The following PTBP3 variants were observed in gnomAD, a reference collection of about 807,000 sequenced individuals.
PTBP3 encodes the protein polypyrimidine tract-binding protein 3.
In PTBP3, 20 loss-of-function variants were observed where a neutral mutation model predicts 58.7. That is an observed-to-expected ratio of 0.34 (90% CI 0.24 to 0.50). The LOEUF (loss-of-function observed/expected upper bound fraction) is 0.50. Ranked by LOEUF, PTBP3 falls within the 20% of genes least tolerant of loss-of-function variation. PTBP3 has a pLI of 0.98. For missense variants in PTBP3, 509 were observed against 637.2 expected (o/e 0.80, Z 2.17); for synonymous variants, 185 against 219.8 (o/e 0.84, Z 1.40).
At chr9:112,271,807 T>C (rs1209039880) in intron 3 of PTBP3, among the ~76,000 whole-genome samples, 1 of 152,092 alleles carries the variant, frequency 6.6e-6, no homozygotes, top group Non-Finnish European at 1.5e-5. Context: ...TTTTTAAAAA[T>C]AAGGGACAAA....
At chr9:112,250,853 T>G in intron 7 of PTBP3, 76 bp downstream of exon 7, 1 of 1,331,062 alleles carries the variant, frequency 7.5e-7, no homozygotes, top group Non-Finnish European at 9.9e-7. Flanking sequence ...AAAAGGCTTA[T>G]AAACATACAT....
chr9:112,375,630 G>A, the PTBP3 span, among the ~76,000 whole-genome samples: 10 of 152,218 alleles, frequency 6.6e-5, no homozygotes, highest in South Asian at 8.3e-4. Flanking sequence ...TGGCACGAGC[G>A]GAGACCATGA....
chr9:112,339,302 A>T, the PTBP3 span, among the ~76,000 whole-genome samples: 1 of 150,440 alleles, frequency 6.6e-6, no homozygotes, highest in Non-Finnish European at 1.5e-5. Context: ...AAAAAAAAAA[A>T]AAAAAAAAAA....
rs548089428 is a variant in PTBP3, at chr9:112,238,045, T to C, written c.803-3148A>G. Among the ~76,000 whole-genome samples the C allele has an allele frequency of 2.6e-5, 4 of 152,230 alleles. No homozygotes were observed. The East Asian group carries it at 5.8e-4, about 22-fold the overall frequency. ...TCTGGAGGAACAAACACCTTAATCC[T>C]GAGCCTCAAAGGACAATCATAATTA... On this transcript the variant is annotated intron_variant, in intron 7 of 13. Transcript: ENST00000374257.
intron 2 of PTBP3, among the ~76,000 whole-genome samples, chr9:112,293,134 G>A (rs1042122315): frequency 7.2e-5 from 11 of 151,974 alleles, no homozygotes; most frequent in African/African-American, 2.2e-4. Flanking sequence ...CAGGAAGGAC[G>A]ATATACTATA....
At chr9:112,277,882 GTAACATAACATAACATAACATAACA>G (rs57476799) in intron 2 of PTBP3, among the ~76,000 whole-genome samples, 78 of 130,218 alleles carry the variant, frequency 6.0e-4, no homozygotes, top group Middle Eastern at 3.8e-3. Flanking sequence ...TCAAAATAAC[GTAACATAACATAACATAACATAACA>G]TAACATAACA....
chr9:112,228,581 C>T, intron 10 of PTBP3, 109 bp from the exon 11 acceptor site: 1 of 655,186 alleles, frequency 1.5e-6, no homozygotes, highest in Non-Finnish European at 2.4e-6. Context: ...TTGGCAATTC[C>T]ATACATACAC....
At chr9:112,280,066 T>C in intron 2 of PTBP3, among the ~76,000 whole-genome samples, 1 of 152,284 alleles carries the variant, frequency 6.6e-6, no homozygotes, top group South Asian at 2.1e-4. Context: ...CATTTATTTA[T>C]TTATTTATTT....
At chr9:112,332,252 A>T (rs1830404985) in intron 1 of PTBP3, among the ~76,000 whole-genome samples, 1 of 152,134 alleles carries the variant, frequency 6.6e-6, no homozygotes, top group Admixed American at 6.6e-5. Flanking sequence ...AAAATCTAAA[A>T]CTCCACTTTG....
At chr9:112,379,845 GGCGCCGAC>G in the PTBP3 span, 1 of 514,758 alleles carries the variant, frequency 1.9e-6, no homozygotes, top group Non-Finnish European at 3.4e-6. Flanking sequence ...CCAGACGCTA[GGCGCCGAC>G]AGGAGCCTGA....
chr9:112,251,811 T>C (rs1384474099), intron 6 of PTBP3, among the ~76,000 whole-genome samples: 1 of 152,122 alleles, frequency 6.6e-6, no homozygotes, highest in Non-Finnish European at 1.5e-5. Flanking sequence ...TATATATATA[T>C]ATCCTGATTT....
At position 112,287,334 on chromosome 9, in the gene PTBP3, GTTTTTTGTT is replaced by G. The variant is rs1344456247; in HGVS notation, c.34+10489_34+10497del. 6.1e-4 allele frequency among the ~76,000 whole-genome samples: 59 copies of G among 96,086 alleles called. 2 individuals are homozygous for G. The East Asian group carries it at 0.013, about 21-fold the overall frequency. The allele number at this position is 96,086 out of a possible 152,430, so 63.0% of individuals were successfully genotyped here. ...TAAGGCTCTGTTCACTTCTTTTTCA[GTTTTTTGTT>G]TTTTTTTTTTTTTTGAGACAGAGTC... On this transcript the variant is annotated intron_variant, in intron 2 of 13. Transcript: ENST00000374257.
At chr9:112,354,857 A>C in the PTBP3 span, among the ~76,000 whole-genome samples, 1 of 152,200 alleles carries the variant, frequency 6.6e-6, no homozygotes, top group African/African-American at 2.4e-5. Flanking sequence ...CTGCAAAATA[A>C]AATGCTATCT....
chr9:112,299,059 T>C (rs1828807478), intron 1 of PTBP3, among the ~76,000 whole-genome samples: 1 of 152,186 alleles, frequency 6.6e-6, no homozygotes, highest in African/African-American at 2.4e-5. Flanking sequence ...ATATGATAAT[T>C]AACAGACTGT....
chr9:112,371,685 T>C, the PTBP3 span, among the ~76,000 whole-genome samples: 31 of 136,650 alleles, frequency 2.3e-4, no homozygotes, highest in South Asian at 5.3e-3. Context: ...ATCCCACTGG[T>C]GCTCAAGGTA....
At position 112,243,863 on chromosome 9, in the gene PTBP3, CATAG is replaced by C. The variant is rs1835760088; in HGVS notation, c.802+7062_802+7065del. On this transcript the variant is annotated intron_variant, in intron 7 of 13. Coordinates refer to ENST00000374257, the MANE Select transcript of PTBP3 (RefSeq NM_001163788.4). ...CAGTTAAGAACTGTTACACATTACACATAGAAAGAAAGAGAAATGCAGAGTAGTT... is the reference window on the plus strand; with the variant it reads ...CAGTTAAGAACTGTTACACATTACACAAAGAAAGAGAAATGCAGAGTAGTT... Among the ~76,000 whole-genome samples the C allele has an allele frequency of 2.0e-5, 3 of 152,234 alleles. No homozygotes were observed. The South Asian group carries it at 6.2e-4, about 32-fold the overall frequency.
chr9:112,342,646 G>A, the PTBP3 span, among the ~76,000 whole-genome samples: 1 of 152,162 alleles, frequency 6.6e-6, no homozygotes, highest in East Asian at 1.9e-4. Context: ...AACCCAGGAG[G>A]CAGAGGTTGC....
intron 1 of PTBP3, among the ~76,000 whole-genome samples, chr9:112,298,904 G>C (rs1443834270): frequency 2.6e-5 from 4 of 152,116 alleles, no homozygotes; most frequent in Admixed American, 2.0e-4. Context: ...AGTTTATAGA[G>C]ACATCTGGGA....
chr9:112,266,093 G>C (rs972711763), intron 4 of PTBP3, among the ~76,000 whole-genome samples: 5 of 152,132 alleles, frequency 3.3e-5, no homozygotes, highest in African/African-American at 1.2e-4. Context: ...AGTTGCCAGA[G>C]GTGGGAGGGA....
Sources: gnomAD v4.1 joint callset for allele counts (sites outside exome capture counted in the v4.1 genomes callset) on GRCh38, gnomAD v4.1.1 for gene constraint, MANE v1.5 for transcripts, NCBI Gene and HGNC (gene_info 2026-07-23, HGNC 2026-07-21) for gene names.